The following SNTG1 variants were observed in gnomAD, a reference collection of about 807,000 sequenced individuals.
SNTG1 encodes the protein syntrophin gamma 1.
SNTG1 carries 39 observed loss-of-function variants against 74.7 expected under a neutral mutation model. That is an observed-to-expected ratio of 0.52 (90% CI 0.40 to 0.68). The LOEUF (loss-of-function observed/expected upper bound fraction) is 0.68, where lower values mean the gene tolerates loss of function less well. Ranked by LOEUF, SNTG1 falls within the 30% of genes least tolerant of loss-of-function variation. The pLI, the probability that SNTG1 is intolerant of heterozygous loss-of-function variation, is 0.00. For synonymous variants in SNTG1, 254 were observed against 217.1 expected, an observed-to-expected ratio of 1.17 and a Z score of -1.49; for missense variants, 685 against 609.5, an observed-to-expected ratio of 1.12 and a Z score of -1.30.
intron 1 of SNTG1, among the ~76,000 whole-genome samples, chr8:50,077,600 A>AC (rs1198612945): frequency 6.6e-6 from 1 of 152,186 alleles, no homozygotes; most frequent in Non-Finnish European, 1.5e-5. Flanking sequence ...GATAAAATTC[A>AC]CCCATTGCAA....
chr8:50,607,466 C>T (rs953596560), intron 13 of SNTG1, among the ~76,000 whole-genome samples: 1 of 151,594 alleles, frequency 6.6e-6, no homozygotes, highest in Non-Finnish European at 1.5e-5. Flanking sequence ...GGAATTCATG[C>T]ATTTCATTTT....
intron 2 of SNTG1, among the ~76,000 whole-genome samples, chr8:50,224,723 A>G (rs2085242236): frequency 6.6e-6 from 1 of 152,178 alleles, no homozygotes; most frequent in Admixed American, 6.5e-5. Flanking sequence ...TCCCTTTGGA[A>G]TCCAGGCATA....
At chr8:50,774,074 T>C (rs2095633955) in intron 18 of SNTG1, among the ~76,000 whole-genome samples, 1 of 151,860 alleles carries the variant, frequency 6.6e-6, no homozygotes, top group Non-Finnish European at 1.5e-5. Flanking sequence ...GATTATCCAG[T>C]CTAAGGAATA....
chr8:49,913,237 T>C (rs766714192), intron 1 of SNTG1, among the ~76,000 whole-genome samples: 5 of 152,234 alleles, frequency 3.3e-5, no homozygotes, highest in African/African-American at 7.2e-5. Context: ...TTTACAGTCA[T>C]GTAAATACAT....
At chr8:50,094,168 ACAT>A (rs1037044617) in intron 1 of SNTG1, among the ~76,000 whole-genome samples, 2 of 152,130 alleles carry the variant, frequency 1.3e-5, no homozygotes, top group African/African-American at 4.8e-5. Flanking sequence ...CACTGAGGAC[ACAT>A]CAACACTTCA....
intron 12 of SNTG1, among the ~76,000 whole-genome samples, chr8:50,566,327 G>T (rs2094516697): frequency 6.6e-6 from 1 of 151,918 alleles, no homozygotes; most frequent in Non-Finnish European, 1.5e-5. Context: ...TTAAAACCAG[G>T]TCACTGAATC....
At chr8:49,929,709 AT>A (rs558096522) in intron 1 of SNTG1, among the ~76,000 whole-genome samples, 2,002 of 150,718 alleles carry the variant, frequency 0.013, 45 homozygotes, top group African/African-American at 0.043. Flanking sequence ...GTTTTAGCTT[AT>A]TTTTTTTTAA....
At chr8:50,003,863 T>C (rs988420052) in intron 1 of SNTG1, among the ~76,000 whole-genome samples, 1 of 152,174 alleles carries the variant, frequency 6.6e-6, no homozygotes, top group South Asian at 2.1e-4. Flanking sequence ...GGTGTCTCTC[T>C]CCTGTTTTCT....
At chr8:50,495,256 T>A (rs976592056) in intron 8 of SNTG1, among the ~76,000 whole-genome samples, 3 of 152,102 alleles carry the variant, frequency 2.0e-5, no homozygotes, top group Non-Finnish European at 4.4e-5. Flanking sequence ...TTTTTAAAAA[T>A]TAAAATGCAG....
rs567236138 is a variant in SNTG1 at position 50,590,806 on chromosome 8, T to C, written c.811-73T>C. ...ATATATTAGCTCACTAAAAATAATC[T>C]GCATAAAATTCTGGGGACCTTGTGT... On this transcript the variant is annotated intron_variant, in intron 12 of 18. Transcript: ENST00000642720. The C allele has an allele frequency of 6.5e-6, 6 of 928,492 alleles. No homozygotes were observed. The East Asian group carries it at 1.7e-4, about 26-fold the overall frequency. The allele number at this position is 928,492 out of a possible 1,614,324, so 57.5% of individuals were successfully genotyped here.
intron 1 of SNTG1, among the ~76,000 whole-genome samples, chr8:49,955,757 G>C (rs1189869732): frequency 6.6e-6 from 1 of 152,156 alleles, no homozygotes; most frequent in East Asian, 1.9e-4. Flanking sequence ...CCACTGTGGT[G>C]GCCCACGCTG....
chr8:50,039,361 A>T (rs1818429569), intron 1 of SNTG1, among the ~76,000 whole-genome samples: 1 of 145,526 alleles, frequency 6.9e-6, no homozygotes, highest in African/African-American at 2.5e-5. Context: ...AGGCTGAGGC[A>T]GGAGAATGGC....
chr8:50,517,139 T>G (rs2094140173), intron 9 of SNTG1, among the ~76,000 whole-genome samples: 1 of 152,158 alleles, frequency 6.6e-6, no homozygotes, highest in East Asian at 1.9e-4. Flanking sequence ...GGGGCTAATA[T>G]TCAACATTCT....
intron 11 of SNTG1, among the ~76,000 whole-genome samples, chr8:50,541,048 T>A (rs2094342873): frequency 6.6e-6 from 1 of 152,282 alleles, no homozygotes; most frequent in South Asian, 2.1e-4. Context: ...TTATACATCT[T>A]ATTTTTTTCT....
chr8:50,309,678 G>A (rs1587063568), intron 2 of SNTG1, among the ~76,000 whole-genome samples: 2 of 152,150 alleles, frequency 1.3e-5, no homozygotes, highest in Non-Finnish European at 2.9e-5. Flanking sequence ...TAGCGGTTTA[G>A]GTATGCAGCT....
intron 2 of SNTG1, among the ~76,000 whole-genome samples, chr8:50,350,112 C>T (rs935226871): frequency 9.2e-5 from 14 of 152,252 alleles, no homozygotes; most frequent in Admixed American, 4.6e-4. Context: ...GGCTCACGGG[C>T]GCTGTGCTCG....
chr8:50,088,662 C>T (rs1453980582), intron 1 of SNTG1, among the ~76,000 whole-genome samples: 1 of 132,694 alleles, frequency 7.5e-6, no homozygotes, highest in East Asian at 2.2e-4. Context: ...ACAATTGCTT[C>T]AAAGAGAATA....
chr8:50,632,919 C>T lies in SNTG1; in HGVS notation c.850-23990C>T, dbSNP rs913124397. On this transcript the variant is annotated intron_variant, in intron 13 of 18. Coordinates refer to ENST00000642720, the MANE Select transcript of SNTG1 (RefSeq NM_018967.5). ...AGAATACCGTGTCTTCTACCAGTAC[C>T]TATAAACCTGTGTTAAGCTAACATA... is the stretch of plus-strand genomic sequence containing the variant. 2.6e-4 allele frequency among the ~76,000 whole-genome samples: 39 copies of T among 152,124 alleles called. 1 individual carries two copies. Among genetic ancestry groups the T allele is most frequent in the Admixed American group, 2.0e-3 (31 of 15,276 alleles).
intron 18 of SNTG1, among the ~76,000 whole-genome samples, chr8:50,790,719 C>T (rs11775633): frequency 0.44 from 66,039 of 151,548 alleles, 16,601 homozygotes; most frequent in African/African-American, 0.7. Context: ...TATTATTTCC[C>T]GTCTACCATT....
Sources: allele counts gnomAD v4.1 joint callset (sites outside exome capture counted in the v4.1 genomes callset), GRCh38; gene constraint gnomAD v4.1.1; transcripts MANE v1.5; gene names NCBI Gene and HGNC (gene_info 2026-07-23, HGNC 2026-07-21).